GABRB1: variants seen among roughly 807,000 people sequenced by gnomAD.
GABRB1 encodes the protein gamma-aminobutyric acid type A receptor subunit beta1.
A neutral mutation model predicts 51.6 loss-of-function variants in GABRB1; 17 were observed. The ratio of observed to expected loss-of-function variants is 0.33; its 90% CI spans 0.23 to 0.49. GABRB1 has a LOEUF of 0.49. Ranked by LOEUF, GABRB1 falls within the 20% of genes least tolerant of loss-of-function variation. GABRB1 has a pLI of 0.99. For missense variants in GABRB1, 410 were observed against 600.6 expected, an observed-to-expected ratio of 0.68 and a Z score of 3.32; for synonymous variants, 247 against 218.9, an observed-to-expected ratio of 1.13 and a Z score of -1.14.
In GABRB1 at chr4:47,344,336, C is replaced by T. The variant is rs114592983; in HGVS notation, c.544+24127C>T. Among the ~76,000 whole-genome samples the T allele has an allele frequency of 1.5e-3, 229 of 152,182 alleles. 1 individual carries two copies. The highest frequency in any genetic ancestry group is 5.1e-3 in the African/African-American group (213 of 41,524). ...TAGAATATGAGAAAGGAACTGTGTT[C>T]GGGTATAAAAAGATTCCTAAACAGG... On this transcript the variant is annotated intron_variant, in intron 5 of 8. Coordinates refer to ENST00000295454, the MANE Select transcript of GABRB1 (RefSeq NM_000812.4).
At chr4:47,370,049 C>G (rs908629580) in intron 5 of GABRB1, among the ~76,000 whole-genome samples, 2 of 151,520 alleles carry the variant, frequency 1.3e-5, no homozygotes, top group African/African-American at 4.9e-5. Flanking sequence ...AGAACTGTCC[C>G]AAACCTGATT....
At chr4:47,156,865 G>T (rs1717730397) in intron 3 of GABRB1, among the ~76,000 whole-genome samples, 1 of 152,028 alleles carries the variant, frequency 6.6e-6, no homozygotes, top group Non-Finnish European at 1.5e-5. Flanking sequence ...CTATTCAGGA[G>T]GCTGAGGCAG....
chr4:47,258,446 G>A (rs1722302576), intron 4 of GABRB1, among the ~76,000 whole-genome samples: 1 of 152,100 alleles, frequency 6.6e-6, no homozygotes, highest in Non-Finnish European at 1.5e-5. Context: ...CTATGGAGTT[G>A]TTGCTATAAA....
At chr4:47,149,726 A>G (rs1360737589) in intron 3 of GABRB1, among the ~76,000 whole-genome samples, 2 of 150,824 alleles carry the variant, frequency 1.3e-5, no homozygotes, top group Non-Finnish European at 3.0e-5. Flanking sequence ...TCAGAGGAAA[A>G]CTAAGGTTAT....
At chr4:47,142,093 A>G (rs112356772) in intron 3 of GABRB1, among the ~76,000 whole-genome samples, 6 of 152,098 alleles carry the variant, frequency 3.9e-5, no homozygotes, top group African/African-American at 1.2e-4. Context: ...AGTAATTTCA[A>G]TAAATGTGAT....
chr4:47,353,602 G>T (rs574474739), intron 5 of GABRB1, among the ~76,000 whole-genome samples: 2 of 152,244 alleles, frequency 1.3e-5, no homozygotes, highest in Admixed American at 1.3e-4. Flanking sequence ...ATAGTAAAAT[G>T]GGAATGAATA....
rs757319572 is a variant in GABRB1, at chr4:47,195,814, T to C, written c.461+34345T>C. On this transcript the variant is annotated intron_variant, in intron 4 of 8. Transcript: ENST00000295454. ...CATGTAATTCTCTTGATTTTTCTAC[T>C]TTATTGTTGAGAAATTGAGTCTTAA... Among the ~76,000 whole-genome samples the C allele has an allele frequency of 2.0e-5, 3 of 152,368 alleles. No homozygotes were observed. In the East Asian group the frequency reaches 5.8e-4, roughly 29 times the overall value.
chr4:47,157,296 T>G (rs1256916542), intron 3 of GABRB1, among the ~76,000 whole-genome samples: 1 of 152,134 alleles, frequency 6.6e-6, no homozygotes, highest in African/African-American at 2.4e-5. Context: ...AATTTCTTTC[T>G]GAAAAATGTC....
intron 1 of GABRB1, among the ~76,000 whole-genome samples, chr4:47,017,406 TTTC>T (rs1724782235): frequency 6.6e-6 from 1 of 152,292 alleles, no homozygotes; most frequent in East Asian, 1.9e-4. Flanking sequence ...AAATAAACAT[TTTC>T]TTAACTGAGC....
At chr4:47,343,413 T>A (rs569703926) in intron 5 of GABRB1, among the ~76,000 whole-genome samples, 62 of 152,312 alleles carry the variant, frequency 4.1e-4, no homozygotes, top group African/African-American at 1.1e-3. Flanking sequence ...TGACCCTTTT[T>A]ATGGAAATAT....
intron 3 of GABRB1, among the ~76,000 whole-genome samples, chr4:47,160,910 C>T (rs1293398582): frequency 1.3e-5 from 2 of 151,902 alleles, no homozygotes; most frequent in African/African-American, 2.4e-5. Flanking sequence ...CATCAGCCTC[C>T]CAAGTAGCTG....
intron 4 of GABRB1, among the ~76,000 whole-genome samples, chr4:47,197,772 C>A (rs2109792463): frequency 6.6e-6 from 1 of 152,248 alleles, no homozygotes; most frequent in East Asian, 1.9e-4. Context: ...GAATGTTACT[C>A]TTTTGTTCAT....
intron 5 of GABRB1, among the ~76,000 whole-genome samples, chr4:47,390,425 G>A (rs1000062688): frequency 6.6e-6 from 1 of 152,190 alleles, no homozygotes; most frequent in African/African-American, 2.4e-5. Context: ...AAGCACAGTG[G>A]GGAGTAATTT....
At chr4:47,282,216 A>G (rs17653263) in intron 4 of GABRB1, among the ~76,000 whole-genome samples, 9,485 of 152,200 alleles carry the variant, frequency 0.062, 506 homozygotes, top group East Asian at 0.28. Flanking sequence ...TCACTATTCC[A>G]GTTCTCTAAA....
intron 5 of GABRB1, among the ~76,000 whole-genome samples, chr4:47,377,891 CAG>C (rs1433648385): frequency 6.6e-6 from 1 of 152,192 alleles, no homozygotes; most frequent in African/African-American, 2.4e-5. Flanking sequence ...GAGCTAGATA[CAG>C]AGTGCCGATT....
At chr4:47,072,769 T>C (rs992064663) in intron 3 of GABRB1, among the ~76,000 whole-genome samples, 7 of 152,174 alleles carry the variant, frequency 4.6e-5, no homozygotes, top group African/African-American at 1.7e-4. Context: ...CTGTTTTGAG[T>C]TGCGATGGTT....
chr4:47,114,343 C>T (rs1715375596), intron 3 of GABRB1, among the ~76,000 whole-genome samples: 1 of 152,082 alleles, frequency 6.6e-6, no homozygotes, highest in Non-Finnish European at 1.5e-5. Context: ...ATTTCAAAGA[C>T]AGCAACTGTA....
chr4:47,271,108 A>G (rs1380452350), intron 4 of GABRB1, among the ~76,000 whole-genome samples: 3 of 152,194 alleles, frequency 2.0e-5, no homozygotes, highest in Admixed American at 2.0e-4. Flanking sequence ...ACACACGTTC[A>G]TGATAAATAA....
chr4:47,396,679 A>G (rs1655813067), intron 5 of GABRB1, among the ~76,000 whole-genome samples: 1 of 152,154 alleles, frequency 6.6e-6, no homozygotes. Context: ...TTCCTAAGCA[A>G]TGATTTCTTA....
Sources: allele counts gnomAD v4.1 joint callset (sites outside exome capture counted in the v4.1 genomes callset), GRCh38; gene constraint gnomAD v4.1.1; transcripts MANE v1.5; gene names NCBI Gene and HGNC (gene_info 2026-07-23, HGNC 2026-07-21).